The following GFRA1 variants were observed in gnomAD, a reference collection of about 807,000 sequenced individuals.
GFRA1 encodes GDNF family receptor alpha 1, also known as GDNF family receptor alpha-1.
In GFRA1, 16 loss-of-function variants were observed where a neutral mutation model predicts 51.6. The observed-to-expected ratio is 0.31, with a 90% CI of 0.21 to 0.47. The LOEUF is 0.47. Among genes scored for constraint, GFRA1 ranks in the 20% least tolerant of loss-of-function variants. The pLI is 1.00. For synonymous variants in GFRA1, 270 were observed against 241.3 expected, an observed-to-expected ratio of 1.12 and a Z score of -1.10; for missense variants, 530 against 594.3, an observed-to-expected ratio of 0.89 and a Z score of 1.13.
intron 5 of GFRA1, among the ~76,000 whole-genome samples, chr10:116,211,084 C>G: frequency 6.6e-6 from 1 of 152,166 alleles, no homozygotes; most frequent in East Asian, 1.9e-4. Flanking sequence ...CCTGGTAAAA[C>G]AGATGACACT....
intron 5 of GFRA1, among the ~76,000 whole-genome samples, chr10:116,193,690 C>T (rs961091182): frequency 3.9e-5 from 6 of 152,164 alleles, no homozygotes; most frequent in African/African-American, 1.4e-4. Flanking sequence ...GACCTGCTTC[C>T]AGACCAACCT....
intron 6 of GFRA1, among the ~76,000 whole-genome samples, chr10:116,118,811 T>G (rs1028437874): frequency 6.6e-6 from 1 of 152,130 alleles, no homozygotes; most frequent in African/African-American, 2.4e-5. Context: ...TTGGTAGGAC[T>G]TGGGCAGGTG....
intron 5 of GFRA1, among the ~76,000 whole-genome samples, chr10:116,136,804 G>C (rs1348046958): frequency 6.6e-6 from 1 of 152,120 alleles, no homozygotes; most frequent in Admixed American, 6.5e-5. Context: ...TTGAGGATGG[G>C]ACTTTAAAAG....
intron 5 of GFRA1, among the ~76,000 whole-genome samples, chr10:116,175,434 A>AAGG (rs1264161205): frequency 6.6e-6 from 1 of 152,194 alleles, no homozygotes; most frequent in African/African-American, 2.4e-5. Context: ...CCAAGGACAG[A>AAGG]AGGAGGAGGA....
chr10:116,071,891 C>T (rs921283817), intron 9 of GFRA1, among the ~76,000 whole-genome samples: 9 of 152,076 alleles, frequency 5.9e-5, no homozygotes, highest in African/African-American at 2.2e-4. Flanking sequence ...ATTGGAGTTC[C>T]CTGGCTTATG....
At chr10:116,249,437 T>C (rs1968133765) in intron 4 of GFRA1, among the ~76,000 whole-genome samples, 1 of 152,146 alleles carries the variant, frequency 6.6e-6, no homozygotes, top group African/African-American at 2.4e-5. Context: ...ATGGTCCTGG[T>C]AACAGCAATT....
At chr10:116,212,322 C>T (rs1400321560) in intron 4 of GFRA1, among the ~76,000 whole-genome samples, 1 of 151,906 alleles carries the variant, frequency 6.6e-6, no homozygotes, top group Non-Finnish European at 1.5e-5. Flanking sequence ...GAGTTCAAGA[C>T]CAGCCTGGCT....
At chr10:116,179,601 G>T (rs757814362) in intron 5 of GFRA1, among the ~76,000 whole-genome samples, 8 of 152,174 alleles carry the variant, frequency 5.3e-5, no homozygotes, top group Non-Finnish European at 1.2e-4. Context: ...CACCTGAGCT[G>T]GACACTGGAG....
rs148457065 is a variant in GFRA1 at position 116,260,004 on chromosome 10, C to T, written c.418+9499G>A. On this transcript the variant is annotated intron_variant, in intron 4 of 10. Coordinates refer to ENST00000355422, the MANE Select transcript of GFRA1 (RefSeq NM_005264.8). ...AGCGGGACTCCTCTTTGCTCACTCACCTCCCCTTTAAAGAGACTGAGGATT... is the reference window on the plus strand; with the variant it reads ...AGCGGGACTCCTCTTTGCTCACTCATCTCCCCTTTAAAGAGACTGAGGATT... Among the ~76,000 whole-genome samples the T allele has an allele frequency of 8.1e-3, 1,227 of 152,292 alleles. 22 individuals carry two copies. Among genetic ancestry groups the T allele is most frequent in the African/African-American group, 0.028 (1,173 of 41,552 alleles).
intron 6 of GFRA1, among the ~76,000 whole-genome samples, chr10:116,099,451 C>A (rs889243172): frequency 6.6e-6 from 1 of 152,168 alleles, no homozygotes; most frequent in Non-Finnish European, 1.5e-5. Flanking sequence ...GGCTTCCTCT[C>A]CCATCCCCAG....
rs541470277 is a variant in GFRA1 at position 116,086,975 on chromosome 10, G to A, written c.1197+2766C>T. On this transcript the variant is annotated intron_variant, in intron 9 of 10. Coordinates refer to ENST00000355422, the MANE Select transcript of GFRA1 (RefSeq NM_005264.8). ...TGGGATTACAGGCGTGCACCACCAC[G>A]CCCAGCTAATTTTTGTATTTTTAGT... is the stretch of plus-strand genomic sequence containing the variant. Among the ~76,000 whole-genome samples the A allele has an allele frequency of 4.6e-5, 7 of 152,158 alleles. No individual in the cohort carries two copies. In the South Asian group the frequency reaches 6.2e-4, roughly 14 times the overall value.
intron 5 of GFRA1, among the ~76,000 whole-genome samples, chr10:116,148,082 G>GCA (rs1565610398): frequency 1.6e-4 from 21 of 129,490 alleles, no homozygotes; most frequent in Middle Eastern, 3.9e-3. Context: ...GTGCATGTGT[G>GCA]TGTGTGCATG....
At chr10:116,213,854 G>A (rs1287255401) in intron 4 of GFRA1, among the ~76,000 whole-genome samples, 1 of 152,130 alleles carries the variant, frequency 6.6e-6, no homozygotes, top group Non-Finnish European at 1.5e-5. Flanking sequence ...AAAACAGATT[G>A]CAGGCTCATA....
intron 4 of GFRA1, among the ~76,000 whole-genome samples, chr10:116,216,140 C>G (rs1408287837): frequency 6.6e-6 from 1 of 152,106 alleles, no homozygotes; most frequent in Non-Finnish European, 1.5e-5. Flanking sequence ...CATAAAAAGA[C>G]TCGATTATTT....
intron 9 of GFRA1, 106 bp downstream of exon 9, chr10:116,089,635 G>GCA (rs1319115996): frequency 2.1e-6 from 2 of 942,466 alleles, no homozygotes; most frequent in African/African-American, 3.2e-5. Flanking sequence ...AACCCGAGCA[G>GCA]CATTCGTCAT....
Position 116,104,954 on chromosome 10 carries a change from C to G in GFRA1, c.771-8190G>C, listed in dbSNP as rs1956952760. On this transcript the variant is annotated intron_variant, in intron 6 of 10. Transcript: ENST00000355422. ...AATGCGCAAACTGATGGTCATGGTACAAGAAAACTCTAAGTAGTAATGGGA... is the reference window on the plus strand; with the variant it reads ...AATGCGCAAACTGATGGTCATGGTAGAAGAAAACTCTAAGTAGTAATGGGA... 2.0e-5 allele frequency among the ~76,000 whole-genome samples: 3 copies of G among 152,154 alleles called. No homozygotes were observed. The South Asian group carries it at 6.2e-4, about 32-fold the overall frequency.
intron 5 of GFRA1, among the ~76,000 whole-genome samples, chr10:116,156,237 C>T (rs943483038): frequency 3.9e-5 from 6 of 152,160 alleles, no homozygotes; most frequent in African/African-American, 1.4e-4. Flanking sequence ...AATCTATCAC[C>T]ACTACATCAA....
chr10:116,271,279 C>T (rs1843912050), intron 2 of GFRA1, among the ~76,000 whole-genome samples, 164 bp from the exon 3 acceptor site: 1 of 152,130 alleles, frequency 6.6e-6, no homozygotes, highest in South Asian at 2.1e-4. Context: ...GTCCATTTTC[C>T]CGCCCCCTGG....
Position 116,064,050 on chromosome 10 carries a change from ATC to A in GFRA1, c.*346_*347del. On this transcript the variant is annotated 3_prime_UTR_variant, in exon 11 of 11. Transcript: ENST00000355422. Reference sequence around the variant, plus strand: ...TAAAACTGTTAAAATCATCATCATGATCATGATGATCATCATCATGATCATGA... The same window carrying A: ...TAAAACTGTTAAAATCATCATCATGAATGATGATCATCATCATGATCATGA... 1 of 108,740 alleles carries A rather than the reference ATC, an allele frequency of 9.2e-6. No homozygotes were observed. Among genetic ancestry groups the A allele is most frequent in the Non-Finnish European group, 1.4e-5 (1 of 71,292 alleles). 6.7% of individuals were successfully genotyped at this position (108,740 alleles called of 1,614,324 possible).
Sources: gnomAD v4.1 joint callset for allele counts (sites outside exome capture counted in the v4.1 genomes callset) on GRCh38, gnomAD v4.1.1 for gene constraint, MANE v1.5 for transcripts, NCBI Gene and HGNC (gene_info 2026-07-23, HGNC 2026-07-21) for gene names.